The following GLI1 variants were observed in gnomAD, a reference collection of about 807,000 sequenced individuals.
The protein encoded by GLI1 is GLI family zinc finger 1.
GLI1 carries 51 observed loss-of-function variants against 87.8 expected under a neutral mutation model. The ratio of observed to expected loss-of-function variants is 0.58; its 90% CI spans 0.46 to 0.73. GLI1 has a LOEUF of 0.73. Ranked by LOEUF, GLI1 falls within the 30% of genes least tolerant of loss-of-function variation. GLI1 has a pLI of 0.00. For synonymous variants in GLI1, 528 were observed against 558.2 expected, an observed-to-expected ratio of 0.95 and a Z score of 0.76; for missense variants, 1,292 against 1,437.2, an observed-to-expected ratio of 0.90 and a Z score of 1.63.
At chr12:57,468,298 C>T in intron 10 of GLI1, 74 bp downstream of exon 10, 1 of 882,394 alleles carries the variant, frequency 1.1e-6, no homozygotes. Context: ...TACTTCCCAA[C>T]CCATCCATTC....
At position 57,471,967 on chromosome 12, in the gene GLI1, C is replaced by A. The variant is rs751486798; in HGVS notation, c.3227C>A (p.Pro1076His). 1.9e-6 allele frequency: 3 copies of A among 1,603,450 alleles called. No individual in the cohort carries two copies. The highest frequency in any genetic ancestry group is 8.5e-7 in the Non-Finnish European group (1 of 1,174,906). Residue 1076 changes from proline to histidine, a missense_variant, in exon 12 of 12, where the codon CCT (proline) becomes CAT (histidine). By Grantham distance (77) the Pro-to-His change is moderately conservative (BLOSUM62 -2). Coordinates refer to ENST00000228682, the MANE Select transcript of GLI1 (RefSeq NM_005269.3). This position sits in a 1 kb window ranked among gnomAD's most constrained non-coding sequence, Gnocchi z 4.9. ...DQRGSSGHTP[P>H]PSGPPNMAVG... ...CGGGGCAGCTCTGGACATACCCCAC[C>A]TCCCTCTGGGCCCCCCAACATGGCT...
rs1332836764 is a variant in GLI1 at position 57,472,143 on chromosome 12, C to G, written c.*82C>G. 2.0e-6 allele frequency: 2 copies of G among 991,294 alleles called. No individual in the cohort carries two copies. Among genetic ancestry groups the G allele is most frequent in the Non-Finnish European group, 2.9e-6 (2 of 688,650 alleles). The allele number at this position is 991,294 out of a possible 1,614,324, so 61.4% of individuals were successfully genotyped here. A position where few individuals can be genotyped will look rare whatever the true frequency, so the allele number is the denominator to read the frequency against. ...CAGAAAAATTGGGGGAGCTGCAGTC[C>G]CATGCACAAGATGCCCCAGGGATGG... is the stretch of plus-strand genomic sequence containing the variant. On this transcript the variant is annotated 3_prime_UTR_variant, in exon 12 of 12. Coordinates refer to ENST00000228682, the MANE Select transcript of GLI1 (RefSeq NM_005269.3).
At chr12:57,461,332 C>T (rs1187329875) in intron 1 of GLI1, among the ~76,000 whole-genome samples, 1 of 151,872 alleles carries the variant, frequency 6.6e-6, no homozygotes, top group East Asian at 1.9e-4. Context: ...GACCTCTCCC[C>T]CTCCACCATT....
chr12:57,464,950 C>G (rs571027333), intron 4 of GLI1, 82 bp downstream of exon 4: 8 of 1,265,170 alleles, frequency 6.3e-6, no homozygotes, highest in Non-Finnish European at 9.2e-6. Flanking sequence ...ACTACCTAAC[C>G]CTATTTGAAT....
intron 1 of GLI1, among the ~76,000 whole-genome samples, chr12:57,461,271 A>T (rs2139845536): frequency 6.6e-6 from 1 of 151,580 alleles, no homozygotes; most frequent in Non-Finnish European, 1.5e-5. Context: ...TTCCCGGGGG[A>T]TATGTAAGGG....
Position 57,471,520 on chromosome 12 carries a change from G to T in GLI1, c.2780G>T (p.Ser927Ile). 6.2e-7 allele frequency: 1 copy of T among 1,612,464 alleles called. No individual in the cohort carries two copies. Among genetic ancestry groups the T allele is most frequent in the Non-Finnish European group, 8.5e-7 (1 of 1,179,366 alleles). Residue 927 changes from serine (S) to isoleucine (I), a missense_variant, in exon 12 of 12, where the codon AGT (serine) becomes ATT (isoleucine). Ser to Ile is a moderately radical substitution (Grantham distance 142). Transcript: ENST00000228682. The surrounding 1 kb of genome is among the most constrained non-coding windows in gnomAD (Gnocchi z 4.9). ...DAPAQEPSYQ[S>I]PKFLGGSQVS... ...CCCGCCCAGGAACCTTCCTACCAGA[G>T]TCCCAAGTTTCTGGGGGGTTCCCAG...
intron 11 of GLI1, among the ~76,000 whole-genome samples, chr12:57,470,090 T>C (rs1357511256): frequency 6.6e-6 from 1 of 152,150 alleles, no homozygotes; most frequent in East Asian, 1.9e-4. Flanking sequence ...GCGAATGCTG[T>C]TCCCTAGGAT....
Position 57,466,242 on chromosome 12 carries a change from C to T in GLI1, c.765C>T (p.His255=), listed in dbSNP as rs763581365. 4 of 1,612,484 alleles carry T rather than the reference C, an allele frequency of 2.5e-6. No individual in the cohort carries two copies. The highest frequency in any genetic ancestry group is 2.7e-5 in the African/African-American group (2 of 74,866). Residue 255 remains histidine (H), a splice_region_variant and synonymous_variant, in exon 8 of 12, where the codon CAC becomes CAT. Coordinates refer to ENST00000228682, the MANE Select transcript of GLI1 (RefSeq NM_005269.3). ...EFDSQEQLVH[H]INSEHIHGER... Reference sequence around the variant, plus strand: ...AGCCTTTGTATCTTCTCCCTCAGCACATCAACAGCGAGCACATCCACGGGG... The same window carrying T: ...AGCCTTTGTATCTTCTCCCTCAGCATATCAACAGCGAGCACATCCACGGGG...
chr12:57,464,985 C>A (rs1871379321), intron 4 of GLI1, 117 bp downstream of exon 4: 2 of 1,229,962 alleles, frequency 1.6e-6, no homozygotes, highest in Non-Finnish European at 2.4e-6. Context: ...AGACAACTCT[C>A]CTCAGTACTT....
chr12:57,472,253 A>G lies in GLI1; in HGVS notation c.*192A>G. ...GACACTGTTTCCTGATAATAAAGGAACTGCATCAGAAAAAATACCATGCCA... is the reference window on the plus strand; with the variant it reads ...GACACTGTTTCCTGATAATAAAGGAGCTGCATCAGAAAAAATACCATGCCA... On this transcript the variant is annotated 3_prime_UTR_variant, in exon 12 of 12. Coordinates refer to ENST00000228682, the MANE Select transcript of GLI1 (RefSeq NM_005269.3). 6.7e-6 allele frequency: 4 copies of G among 597,564 alleles called. No individual in the cohort carries two copies. Among genetic ancestry groups the G allele is most frequent in the Non-Finnish European group, 1.1e-5 (4 of 350,866 alleles). The allele number at this position is 597,564 out of a possible 1,614,324, so 37.0% of individuals were successfully genotyped here. A position where few individuals can be genotyped will look rare whatever the true frequency, so the allele number is the denominator to read the frequency against.
intron 7 of GLI1, 108 bp from the exon 8 acceptor site, chr12:57,466,132 C>A: frequency 8.1e-7 from 1 of 1,239,212 alleles, no homozygotes; most frequent in Non-Finnish European, 1.1e-6. Flanking sequence ...CTGCCTCTTC[C>A]TCCTTGAGGT....
rs1871290463 is a variant in GLI1 at position 57,463,645 on chromosome 12, C to T, written c.-27-20C>T. 2 of 1,137,764 alleles carry T rather than the reference C, an allele frequency of 1.8e-6. No homozygotes were observed. Among genetic ancestry groups the T allele is most frequent in the African/African-American group, 3.0e-5 (2 of 65,872 alleles). The allele number at this position is 1,137,764 out of a possible 1,614,324, so 70.5% of individuals were successfully genotyped here. Reference sequence around the variant, plus strand: ...AGTCTCTATTTCCTCCACCTTTATACCTACCTTCCCTTTCTGCAGTGTCCC... The same window carrying T: ...AGTCTCTATTTCCTCCACCTTTATATCTACCTTCCCTTTCTGCAGTGTCCC... On this transcript the variant is annotated intron_variant, in intron 1 of 11. Coordinates refer to ENST00000228682, the MANE Select transcript of GLI1 (RefSeq NM_005269.3).
At chr12:57,469,845 C>A in intron 11 of GLI1, 147 bp downstream of exon 11, 1 of 756,556 alleles carries the variant, frequency 1.3e-6, no homozygotes, top group Non-Finnish European at 2.1e-6. Context: ...TTCCATTTAT[C>A]AGAAAATAGT....
chr12:57,464,082 T>C lies in GLI1; in HGVS notation c.184T>C (p.Cys62Arg). ...SYGPARETNS[C>R]TEGPLFSSPR... is the part of the protein sequence containing the mutation. ...TGGGCCAGCCAGAGAGACCAACAGCTGCACCGAGGGTGAGGGCTCAGGCAA... is the reference window on the plus strand; with the variant it reads ...TGGGCCAGCCAGAGAGACCAACAGCCGCACCGAGGGTGAGGGCTCAGGCAA... The change falls in exon 3 of 12, where the codon TGC (cysteine) becomes CGC (arginine). Residue 62 changes from cysteine (C) to arginine (R), a missense_variant. Around this residue, in one of 3 missense-constraint regions of GLI1, gnomAD observed 383 missense variants for 368.4 expected, o/e 1.04. Transcript: ENST00000228682. 1 of 1,606,100 alleles carries C rather than the reference T, an allele frequency of 6.2e-7. No individual in the cohort carries two copies. Among genetic ancestry groups the C allele is most frequent in the Non-Finnish European group, 8.5e-7 (1 of 1,172,646 alleles).
rs770128594 is a variant in GLI1 at position 57,471,931 on chromosome 12, C to G, written c.3191C>G (p.Ser1064Cys). The change falls in exon 12 of 12, where the codon TCC (serine) becomes TGC (cysteine). Residue 1064 changes from serine to cysteine, a missense_variant. By Grantham distance (112) the Ser-to-Cys change is moderately radical (BLOSUM62 -1). Coordinates refer to ENST00000228682, the MANE Select transcript of GLI1 (RefSeq NM_005269.3). The surrounding 1 kb of genome is among the most constrained non-coding windows in gnomAD (Gnocchi z 4.9). ...CCCCAGGGGCTGAGTCCTCCTCCTT[C>G]CCATGATCAGCGGGGCAGCTCTGGA... ...DEPQGLSPPP[S>C]HDQRGSSGHT... The G allele has an allele frequency of 6.2e-7, 1 of 1,612,474 alleles. No individual in the cohort carries two copies. The highest frequency in any genetic ancestry group is 1.1e-5 in the South Asian group (1 of 90,914).
chr12:57,462,168 G>T (rs1871179722), intron 1 of GLI1, among the ~76,000 whole-genome samples: 1 of 152,148 alleles, frequency 6.6e-6, no homozygotes, highest in Non-Finnish European at 1.5e-5. Context: ...GTCATAGAGG[G>T]AAGGAGGCGG....
intron 9 of GLI1, 71 bp from the exon 10 acceptor site, chr12:57,467,923 C>T (rs1443674411): frequency 1.7e-6 from 2 of 1,153,188 alleles, no homozygotes; most frequent in Non-Finnish European, 2.6e-6. Context: ...GTTGTCACCA[C>T]TTTTTCCCAT....
intron 1 of GLI1, among the ~76,000 whole-genome samples, chr12:57,462,438 G>A (rs572984313): frequency 2.7e-5 from 4 of 149,542 alleles, no homozygotes; most frequent in East Asian, 2.0e-4. Flanking sequence ...GCCCGCTCCC[G>A]GTGGTTCTCC....
chr12:57,461,274 T>C (rs1871122899), intron 1 of GLI1, among the ~76,000 whole-genome samples: 1 of 151,872 alleles, frequency 6.6e-6, no homozygotes, highest in Non-Finnish European at 1.5e-5. Flanking sequence ...CCGGGGGATA[T>C]GTAAGGGTCG....
Sources: allele counts gnomAD v4.1 joint callset (sites outside exome capture counted in the v4.1 genomes callset), GRCh38; gene constraint gnomAD v4.1.1; regional missense constraint gnomAD v4.1.1; non-coding constraint Gnocchi (gnomAD v3.1); transcripts MANE v1.5; gene names NCBI Gene and HGNC (gene_info 2026-07-23, HGNC 2026-07-21).